PRKG1: variants seen among roughly 807,000 people sequenced by gnomAD.
PRKG1 encodes protein kinase cGMP-dependent 1.
PRKG1 carries 35 observed loss-of-function variants against 88.1 expected under a neutral mutation model. The observed-to-expected ratio is 0.40, with a 90% confidence interval of 0.30 to 0.53. The LOEUF is 0.53. PRKG1 is among the 20% of genes least tolerant of loss of function. The pLI is 0.59. For missense variants in PRKG1, 540 were observed against 839.8 expected, an observed-to-expected ratio of 0.64 and a Z score of 4.41; for synonymous variants, 303 against 292.5, an observed-to-expected ratio of 1.04 and a Z score of -0.37.
intron 2 of PRKG1, among the ~76,000 whole-genome samples, chr10:51,410,871 A>C (rs1261504771): frequency 6.6e-6 from 1 of 151,664 alleles, no homozygotes; most frequent in Non-Finnish European, 1.5e-5. Context: ...ACATTGAAAT[A>C]TATTTTATAT....
chr10:52,191,553 C>T (rs564062415), intron 9 of PRKG1, among the ~76,000 whole-genome samples: 17 of 152,268 alleles, frequency 1.1e-4, no homozygotes, highest in Middle Eastern at 6.8e-3. Flanking sequence ...ATCTACGTTC[C>T]TCTTGATAGC....
At chr10:51,728,224 G>A (rs574487521) in intron 3 of PRKG1, among the ~76,000 whole-genome samples, 1 of 151,952 alleles carries the variant, frequency 6.6e-6, no homozygotes, top group Non-Finnish European at 1.5e-5. Flanking sequence ...ACAAGAGAAA[G>A]TGCAAAGTAA....
intron 4 of PRKG1, among the ~76,000 whole-genome samples, chr10:51,829,182 G>A (rs1839945815): frequency 6.6e-6 from 1 of 152,216 alleles, no homozygotes; most frequent in African/African-American, 2.4e-5. Context: ...TTACAATATG[G>A]CAGTTGGCTT....
At chr10:51,088,596 G>T (rs1363185186) in intron 1 of PRKG1, among the ~76,000 whole-genome samples, 2 of 151,948 alleles carry the variant, frequency 1.3e-5, no homozygotes, top group East Asian at 3.9e-4. Context: ...TTGGGATTGG[G>T]CTTCCATTTC....
chr10:51,455,046 A>G (rs750042978), intron 2 of PRKG1, among the ~76,000 whole-genome samples: 21 of 152,246 alleles, frequency 1.4e-4, no homozygotes, highest in Non-Finnish European at 2.6e-4. Context: ...ATTCCCATAC[A>G]TCCTCTGAAA....
At chr10:51,550,938 G>T (rs1292087471) in intron 3 of PRKG1, among the ~76,000 whole-genome samples, 3 of 151,906 alleles carry the variant, frequency 2.0e-5, no homozygotes, top group African/African-American at 7.2e-5. Context: ...TGGAAAGTAT[G>T]TGTTGGGGTC....
chr10:52,010,610 A>G (rs912570869), intron 5 of PRKG1, among the ~76,000 whole-genome samples: 3 of 152,178 alleles, frequency 2.0e-5, no homozygotes, highest in Non-Finnish European at 4.4e-5. Context: ...CTGAATGTAA[A>G]ATAAAAGTTA....
intron 8 of PRKG1, among the ~76,000 whole-genome samples, chr10:52,149,074 G>A (rs1338740388): frequency 6.7e-6 from 1 of 149,418 alleles, no homozygotes; most frequent in Non-Finnish European, 1.5e-5. Flanking sequence ...AATTGATGGA[G>A]CAAGAGTCCA....
rs796675434 is a variant in PRKG1 at position 51,222,129 on chromosome 10, C to A, written c.478+68799C>A. ...TGGCCTCACGTGATCCGCGCCCCCC[C>A]CCGACCCCAGCCTCCCAAAGTGTTG... is the stretch of plus-strand genomic sequence containing the variant. On this transcript the variant is annotated intron_variant, in intron 2 of 17. Coordinates refer to ENST00000373980, the MANE Select transcript of PRKG1 (RefSeq NM_006258.4). Among the ~76,000 whole-genome samples, 77 of 123,598 alleles carry A rather than the reference C, an allele frequency of 6.2e-4. 1 individual carries two copies. The highest frequency in any genetic ancestry group is 2.9e-3 in the African/African-American group (63 of 21,756). The allele number at this position is 123,598 out of a possible 152,430, so 81.1% of individuals were successfully genotyped here.
chr10:51,750,905 A>C (rs1837707831), intron 3 of PRKG1, among the ~76,000 whole-genome samples: 1 of 152,062 alleles, frequency 6.6e-6, no homozygotes, highest in Non-Finnish European at 1.5e-5. Context: ...AAAAAAGTTC[A>C]AAGAAAATTT....
chr10:51,674,116 T>C (rs1381971118), intron 3 of PRKG1, among the ~76,000 whole-genome samples: 1 of 152,222 alleles, frequency 6.6e-6, no homozygotes, highest in African/African-American at 2.4e-5. Flanking sequence ...GATTAAATTA[T>C]GCAAGGCTAG....
At chr10:52,038,522 C>T (rs537812749) in intron 5 of PRKG1, among the ~76,000 whole-genome samples, 31 of 152,050 alleles carry the variant, frequency 2.0e-4, no homozygotes, top group African/African-American at 7.5e-4. Context: ...ACTTGCCCAT[C>T]CTCTAGAAAA....
intron 8 of PRKG1, among the ~76,000 whole-genome samples, chr10:52,151,895 G>T (rs1341585632): frequency 6.6e-6 from 1 of 152,008 alleles, no homozygotes; most frequent in Non-Finnish European, 1.5e-5. Context: ...ATTGCAATTG[G>T]GATTCATGGA....
chr10:51,145,435 A>C (rs1001504424), intron 1 of PRKG1, among the ~76,000 whole-genome samples: 1 of 152,134 alleles, frequency 6.6e-6, no homozygotes, highest in Non-Finnish European at 1.5e-5. Context: ...CAGGCCACAT[A>C]GTTCTTAAAT....
At chr10:51,595,697 A>G (rs1413791715) in intron 3 of PRKG1, among the ~76,000 whole-genome samples, 1 of 152,032 alleles carries the variant, frequency 6.6e-6, no homozygotes, top group East Asian at 1.9e-4. Context: ...GGATCCTCTT[A>G]CCTAAGTTTG....
chr10:51,647,380 G>C (rs527438694), intron 3 of PRKG1, among the ~76,000 whole-genome samples: 4 of 152,284 alleles, frequency 2.6e-5, no homozygotes, highest in African/African-American at 7.2e-5. Context: ...ACCTAATTCA[G>C]TATTTGAACT....
At chr10:51,606,420 A>G (rs10998465) in intron 3 of PRKG1, among the ~76,000 whole-genome samples, 16,595 of 152,220 alleles carry the variant, frequency 0.11, 1,220 homozygotes, top group South Asian at 0.17. Flanking sequence ...TTGCTATAGA[A>G]ATAAATGAGA....
intron 3 of PRKG1, among the ~76,000 whole-genome samples, chr10:51,776,763 T>A (rs552202915): frequency 6.6e-6 from 1 of 152,108 alleles, no homozygotes; most frequent in Non-Finnish European, 1.5e-5. Context: ...AGGTGCAGGC[T>A]GCAGTGAGCT....
At chr10:51,632,849 A>G (rs1227282211) in intron 3 of PRKG1, among the ~76,000 whole-genome samples, 1 of 152,218 alleles carries the variant, frequency 6.6e-6, no homozygotes, top group African/African-American at 2.4e-5. Context: ...CCATAAAGAC[A>G]GAGGAGTAAA....
Sources: allele counts gnomAD v4.1 joint callset (sites outside exome capture counted in the v4.1 genomes callset), GRCh38; gene constraint gnomAD v4.1.1; transcripts MANE v1.5; gene names NCBI Gene and HGNC (gene_info 2026-07-23, HGNC 2026-07-21).